The following TBL2 variants were observed in gnomAD, a reference collection of about 807,000 sequenced individuals.
TBL2 encodes the protein transducin beta-like protein 2.
Under a neutral mutation model 41.8 loss-of-function variants are expected in TBL2, and 33 were observed. The ratio of observed to expected loss-of-function variants is 0.79; its 90% CI spans 0.60 to 1.06. The LOEUF (loss-of-function observed/expected upper bound fraction) is 1.06. TBL2 is among the 50% of genes least tolerant of loss of function. TBL2 has a pLI of 0.00. For missense variants in TBL2, 522 were observed against 603.8 expected (o/e 0.86, Z 1.42); for synonymous variants, 239 against 241.7 (o/e 0.99, Z 0.10).
intron 3 of TBL2, 198 bp downstream of exon 3, chr7:73,573,740 C>A: frequency 1.3e-6 from 1 of 759,406 alleles, no homozygotes; most frequent in Non-Finnish European, 2.1e-6. Flanking sequence ...AAGAGACCTC[C>A]CCCTGTTTCC....
chr7:73,574,272 C>G, intron 2 of TBL2, 111 bp downstream of exon 2: 3 of 1,532,354 alleles, frequency 2.0e-6, no homozygotes, highest in Non-Finnish European at 2.6e-6. Flanking sequence ...TAAGCACCCC[C>G]GCTGATTCTG....
rs1456457437 is a variant in TBL2 at position 73,568,113 on chromosome 7, A to G, written c.*2394T>C. Reference sequence around the variant, plus strand: ...GTGGTTAGGAACATACAAAACCACAATGGAGACTGGGAGTGGGAAGATGCG... The same window carrying G: ...GTGGTTAGGAACATACAAAACCACAGTGGAGACTGGGAGTGGGAAGATGCG... On this transcript the variant is annotated 3_prime_UTR_variant, in exon 7 of 7. Coordinates refer to ENST00000305632, the MANE Select transcript of TBL2 (RefSeq NM_012453.4). Among the ~76,000 whole-genome samples, 3 of 152,232 alleles carry G rather than the reference A, an allele frequency of 2.0e-5. No individual in the cohort carries two copies. The highest frequency in any genetic ancestry group is 4.4e-5 in the Non-Finnish European group (3 of 68,024).
chr7:73,572,876 G>GTT lies in TBL2; in HGVS notation c.691_692dup (p.Asn231LysfsTer15). ...AGGGAGATACAGCAGCGTGTGTGTT[G>GTT]TTCATCTGGTTGGTGTTGATGGTAG... is the stretch of plus-strand genomic sequence containing the variant. On this transcript the variant is annotated frameshift_variant, in exon 5 of 7. Transcript: ENST00000305632. LOFTEE classifies it high-confidence loss of function. 1.9e-6 allele frequency: 3 copies of GTT among 1,614,168 alleles called. No homozygotes were observed. The highest frequency in any genetic ancestry group is 2.5e-6 in the Non-Finnish European group (3 of 1,180,036).
intron 3 of TBL2, 197 bp downstream of exon 3, chr7:73,573,741 C>T: frequency 5.2e-6 from 4 of 762,446 alleles, no homozygotes; most frequent in Non-Finnish European, 8.2e-6. Context: ...AGAGACCTCC[C>T]CCTGTTTCCT....
chr7:73,573,182 C>T (rs1554588112), intron 4 of TBL2, 138 bp downstream of exon 4: 4 of 1,421,012 alleles, frequency 2.8e-6, no homozygotes, highest in Admixed American at 2.0e-5. Context: ...GAGCACAGAG[C>T]CAGGCTGTTC....
chr7:73,577,479 C>T (rs1227387798), intron 1 of TBL2, among the ~76,000 whole-genome samples: 1 of 152,102 alleles, frequency 6.6e-6, no homozygotes, highest in African/African-American at 2.4e-5. Context: ...GAGGCAGAGG[C>T]AGAAGAATCG....
chr7:73,573,205 C>CCCTT (rs1473052000), intron 4 of TBL2, 115 bp downstream of exon 4: 2 of 1,482,842 alleles, frequency 1.3e-6, no homozygotes, highest in African/African-American at 2.8e-5. Flanking sequence ...AGCCAGGGAC[C>CCCTT]CCTTGTTCCT....
intron 5 of TBL2, chr7:73,571,684 A>T (rs537150824): frequency 3.8e-6 from 1 of 262,644 alleles, no homozygotes; most frequent in Admixed American, 4.6e-5. Flanking sequence ...TGAACCTGGT[A>T]GGTGGAGGTT....
chr7:73,577,298 G>A (rs539844277), intron 1 of TBL2, among the ~76,000 whole-genome samples: 18 of 146,898 alleles, frequency 1.2e-4, no homozygotes, highest in South Asian at 4.4e-4. Context: ...AGGGCTGGCC[G>A]GGCACAGTGG....
At chr7:73,576,403 T>C (rs1350717816) in intron 1 of TBL2, 18 of 330,444 alleles carry the variant, frequency 5.4e-5, no homozygotes. Context: ...CCGTCTCTAC[T>C]AAAAATACAA....
intron 1 of TBL2, among the ~76,000 whole-genome samples, chr7:73,575,449 C>A (rs868976788): frequency 6.6e-6 from 1 of 152,098 alleles, no homozygotes; most frequent in African/African-American, 2.4e-5. Context: ...CGCCACCATG[C>A]CCGGCTAATT....
intron 5 of TBL2, 80 bp from the exon 6 acceptor site, chr7:73,571,421 A>G: frequency 6.3e-7 from 1 of 1,579,916 alleles, no homozygotes; most frequent in Non-Finnish European, 8.6e-7. Flanking sequence ...CTCTTTCCTG[A>G]GAAAGTTGAT....
At chr7:73,577,123 T>C (rs1793369870) in intron 1 of TBL2, among the ~76,000 whole-genome samples, 1 of 151,380 alleles carries the variant, frequency 6.6e-6, no homozygotes, top group Admixed American at 6.6e-5. Context: ...TAGCCGGGTG[T>C]GGTGTCGGAC....
In TBL2 at chr7:73,572,957, C is replaced by T; in HGVS notation, c.612G>A (p.Met204Ile). The T allele has an allele frequency of 1.9e-6, 3 of 1,614,164 alleles. No homozygotes were observed. The highest frequency in any genetic ancestry group is 2.5e-6 in the Non-Finnish European group (3 of 1,180,034). Residue 204 changes from methionine (M) to isoleucine (I), a missense_variant, in exon 5 of 7, where the codon ATG (methionine) becomes ATA (isoleucine). By Grantham distance (10) the Met-to-Ile change is conservative (BLOSUM62 1). Coordinates refer to ENST00000305632, the MANE Select transcript of TBL2 (RefSeq NM_012453.4). ...GGACAGTGGTGTCACTGGAGGCAGT[C>T]ATGATAAACTTCCCTGAGCGGGAAG... Reference protein sequence around the residue: ...IGIANTGKFIMTASSDTTVLI... With the variant: ...IGIANTGKFIITASSDTTVLI...
rs1792738413 is a variant in TBL2 at position 73,568,568 on chromosome 7, A to C, written c.*1939T>G. 6.6e-6 allele frequency among the ~76,000 whole-genome samples: 1 copy of C among 152,044 alleles called. No homozygotes were observed. The highest frequency in any genetic ancestry group is 2.4e-5 in the African/African-American group (1 of 41,386). On this transcript the variant is annotated 3_prime_UTR_variant, in exon 7 of 7. Transcript: ENST00000305632. ...ACGGTGCCCATCTGACATTCATAGC[A>C]TTTAGAGGGGGGACGAAGCCAGGTT...
Position 73,573,451 on chromosome 7 carries a change from G to A in TBL2, c.467C>T (p.Ala156Val), listed in dbSNP as rs1235787371. ...GAAGACACGGAGGGTGTCCCCGTTGGCCAGCCAGACGATGAAGGCTCTAGA... is the reference window on the plus strand; with the variant it reads ...GAAGACACGGAGGGTGTCCCCGTTGACCAGCCAGACGATGAAGGCTCTAGA... ...PDCRAFIVWL[A>V]NGDTLRVFKM... Residue 156 changes from alanine (A) to valine (V), a missense_variant, in exon 4 of 7, where the codon GCC (alanine) becomes GTC (valine). Transcript: ENST00000305632. The A allele has an allele frequency of 6.2e-6, 10 of 1,613,866 alleles. No homozygotes were observed. Among genetic ancestry groups the A allele is most frequent in the Non-Finnish European group, 7.6e-6 (9 of 1,180,024 alleles).
At position 73,568,577 on chromosome 7, in the gene TBL2, G is replaced by C. The variant is rs942931586; in HGVS notation, c.*1930C>G. ...ATCTGACATTCATAGCATTTAGAGGGGGGACGAAGCCAGGTTACACAGGAC... is the reference window on the plus strand; with the variant it reads ...ATCTGACATTCATAGCATTTAGAGGCGGGACGAAGCCAGGTTACACAGGAC... On this transcript the variant is annotated 3_prime_UTR_variant, in exon 7 of 7. Coordinates refer to ENST00000305632, the MANE Select transcript of TBL2 (RefSeq NM_012453.4). Among the ~76,000 whole-genome samples the C allele has an allele frequency of 6.6e-6, 1 of 152,146 alleles. No homozygotes were observed. Among genetic ancestry groups the C allele is most frequent in the South Asian group, 2.1e-4 (1 of 4,838 alleles).
intron 4 of TBL2, 51 bp from the exon 5 acceptor site, chr7:73,573,021 T>C (rs1375699129): frequency 1.2e-6 from 2 of 1,611,562 alleles, no homozygotes; most frequent in Non-Finnish European, 1.7e-6. Context: ...TGACCAACTG[T>C]CACTCTCCAA....
rs781945980 is a variant in TBL2, at chr7:73,578,512, G to A, written c.38C>T (p.Ser13Leu). The change falls in exon 1 of 7, where the codon TCG becomes TTG. Residue 13 changes from serine to leucine, a missense_variant. Physicochemically the swap from Ser to Leu is moderately radical, Grantham distance 145. Coordinates refer to ENST00000305632, the MANE Select transcript of TBL2 (RefSeq NM_012453.4). ...CAGGGCCAGCAGCCCAAGCAACACC[G>A]ACAGCCCCATGAGCTCCGACATCTG... ...LSQMSELMGL[S>L]VLLGLLALMA... is the part of the protein sequence containing the mutation. The A allele has an allele frequency of 1.3e-6, 2 of 1,578,368 alleles. No homozygotes were observed. Among genetic ancestry groups the A allele is most frequent in the South Asian group, 2.3e-5 (2 of 88,736 alleles).
Sources: allele counts gnomAD v4.1 joint callset (sites outside exome capture counted in the v4.1 genomes callset), GRCh38; gene constraint gnomAD v4.1.1; transcripts MANE v1.5; gene names NCBI Gene and HGNC (gene_info 2026-07-23, HGNC 2026-07-21).